Variants in TESK2 observed in about 807,000 individuals in gnomAD.
TESK2 encodes dual specificity testis-specific protein kinase 2.
In TESK2, 39 loss-of-function variants were observed where a neutral mutation model predicts 57.1. The ratio of observed to expected loss-of-function variants is 0.68; its 90% CI spans 0.53 to 0.89. The LOEUF (loss-of-function observed/expected upper bound fraction) is 0.89. Ranked by LOEUF, TESK2 falls within the 40% of genes least tolerant of loss-of-function variation. The pLI is 0.00. For synonymous variants in TESK2, 249 were observed against 267.9 expected (o/e 0.93, Z 0.69); for missense variants, 646 against 732.1 (o/e 0.88, Z 1.36).
intron 2 of TESK2, among the ~76,000 whole-genome samples, chr1:45,448,376 A>T (rs2356413): frequency 0.53 from 79,980 of 151,976 alleles, 21,485 homozygotes; most frequent in African/African-American, 0.63. Flanking sequence ...GTTAGGCCAT[A>T]CTTGCACTGC....
intron 1 of TESK2, among the ~76,000 whole-genome samples, chr1:45,466,273 G>A (rs549947439): frequency 2.0e-5 from 3 of 152,026 alleles, no homozygotes; most frequent in Non-Finnish European, 2.9e-5. Context: ...TCAAGAGATC[G>A]AGACCATCCT....
chr1:45,458,182 C>G (rs1409068838), intron 1 of TESK2, among the ~76,000 whole-genome samples: 2 of 152,194 alleles, frequency 1.3e-5, no homozygotes, highest in African/African-American at 4.8e-5. Flanking sequence ...TGACATACAT[C>G]ATCTCGTTTG....
chr1:45,483,944 C>T (rs1026515010), intron 1 of TESK2, among the ~76,000 whole-genome samples: 11 of 150,946 alleles, frequency 7.3e-5, no homozygotes, highest in Non-Finnish European at 1.0e-4. Context: ...GAGTCTACAT[C>T]GAGCCATGAT....
At chr1:45,366,110 TA>T (rs1647904536) in intron 4 of TESK2, among the ~76,000 whole-genome samples, 1 of 149,722 alleles carries the variant, frequency 6.7e-6, no homozygotes, top group Admixed American at 6.7e-5. Flanking sequence ...CACTGGCCCT[TA>T]TTTATTTATT....
At chr1:45,376,527 A>C (rs1204402698) in intron 4 of TESK2, among the ~76,000 whole-genome samples, 1 of 151,858 alleles carries the variant, frequency 6.6e-6, no homozygotes, top group Non-Finnish European at 1.5e-5. Flanking sequence ...CCTTCACACT[A>C]TTTTTGATTT....
intron 2 of TESK2, among the ~76,000 whole-genome samples, chr1:45,425,619 T>C (rs1339950654): frequency 6.6e-6 from 1 of 151,984 alleles, no homozygotes. Flanking sequence ...CGTGCCACTA[T>C]ACTCCAGCCT....
chr1:45,416,858 C>A (rs867906168), intron 3 of TESK2, among the ~76,000 whole-genome samples: 5 of 151,882 alleles, frequency 3.3e-5, no homozygotes, highest in African/African-American at 4.8e-5. Context: ...GCGATCTCGG[C>A]TCACTGCAAC....
At chr1:45,462,791 T>C (rs936589812) in intron 1 of TESK2, among the ~76,000 whole-genome samples, 4 of 152,226 alleles carry the variant, frequency 2.6e-5, no homozygotes, top group African/African-American at 9.6e-5. Flanking sequence ...GTAGCTCTAC[T>C]TTTACTATTT....
intron 1 of TESK2, among the ~76,000 whole-genome samples, chr1:45,482,598 A>ACT (rs1653272889): frequency 1.4e-5 from 1 of 71,412 alleles, no homozygotes; most frequent in South Asian, 5.2e-4. Context: ...GTGGTCAGCC[A>ACT]TTAAAAAAAA....
intron 1 of TESK2, among the ~76,000 whole-genome samples, chr1:45,460,969 T>C (rs534216372): frequency 5.9e-5 from 9 of 152,308 alleles, no homozygotes; most frequent in African/African-American, 2.2e-4. Context: ...GTATGTCTGT[T>C]GATAATGTGC....
chr1:45,488,138 T>C (rs1209559189), intron 1 of TESK2, among the ~76,000 whole-genome samples: 1 of 152,136 alleles, frequency 6.6e-6, no homozygotes, highest in African/African-American at 2.4e-5. Context: ...GGTCGCAAAC[T>C]CCTGGGCTCA....
At chr1:45,397,201 CATA>C (rs2149278815) in intron 3 of TESK2, among the ~76,000 whole-genome samples, 1 of 152,266 alleles carries the variant, frequency 6.6e-6, no homozygotes, top group Admixed American at 6.5e-5. Context: ...ATTTAATCCT[CATA>C]ATAACCCAAT....
intron 1 of TESK2, among the ~76,000 whole-genome samples, chr1:45,474,125 G>A (rs1652878927): frequency 6.6e-6 from 1 of 152,016 alleles, no homozygotes; most frequent in African/African-American, 2.4e-5. Context: ...CCTGACCTCA[G>A]GAGTTCGAGA....
chr1:45,347,126 C>T (rs1423464240), intron 7 of TESK2, 64 bp from the exon 8 acceptor site: 1 of 1,355,864 alleles, frequency 7.4e-7, no homozygotes, highest in Non-Finnish European at 1.0e-6. Flanking sequence ...TCTGCCCCTG[C>T]CCCTGCCTCC....
chr1:45,399,222 C>T (rs1301573562), intron 3 of TESK2, among the ~76,000 whole-genome samples: 2 of 144,246 alleles, frequency 1.4e-5, no homozygotes, highest in South Asian at 2.1e-4. Flanking sequence ...GATCTTGGCT[C>T]ACTGTAGCCT....
At chr1:45,429,732 A>G (rs559363185) in intron 2 of TESK2, among the ~76,000 whole-genome samples, 2 of 152,356 alleles carry the variant, frequency 1.3e-5, no homozygotes, top group South Asian at 4.1e-4. Context: ...GAGAGATAAC[A>G]GCCAATCACC....
At chr1:45,365,465 A>C (rs1647873148) in intron 4 of TESK2, among the ~76,000 whole-genome samples, 1 of 152,150 alleles carries the variant, frequency 6.6e-6, no homozygotes, top group Non-Finnish European at 1.5e-5. Flanking sequence ...ACCCTTCTTC[A>C]TAGCTTTGCT....
chr1:45,394,679 C>CTTTTT (rs5773871), intron 3 of TESK2, among the ~76,000 whole-genome samples: 1,345 of 57,418 alleles, frequency 0.023, 123 homozygotes, highest in Middle Eastern at 0.11. Flanking sequence ...ACAGGAAACT[C>CTTTTT]TTTTTTTTTT....
At chr1:45,382,212 G>C (rs1648689864) in intron 4 of TESK2, among the ~76,000 whole-genome samples, 1 of 152,106 alleles carries the variant, frequency 6.6e-6, no homozygotes, top group Admixed American at 6.6e-5. Context: ...AATTTAAAAG[G>C]TTTCATGTGA....
Sources: gnomAD v4.1 joint callset for allele counts (sites outside exome capture counted in the v4.1 genomes callset) on GRCh38, gnomAD v4.1.1 for gene constraint, MANE v1.5 for transcripts, NCBI Gene and HGNC (gene_info 2026-07-23, HGNC 2026-07-21) for gene names.